RNF126: variants seen among roughly 807,000 people sequenced by gnomAD.
RNF126 encodes ring finger protein 126.
RNF126 carries 20 observed loss-of-function variants against 41.9 expected under a neutral mutation model. The observed-to-expected ratio is 0.48, with a 90% CI of 0.34 to 0.69. RNF126 has a LOEUF of 0.69. Ranked by LOEUF, RNF126 falls within the 30% of genes least tolerant of loss-of-function variation. The probability of loss-of-function intolerance (pLI) is 0.01; values close to 1 mark genes in which losing one functional copy is unlikely to be tolerated. For missense variants in RNF126, 433 were observed against 460.6 expected (o/e 0.94, Z 0.55); for synonymous variants, 239 against 202.9 (o/e 1.18, Z -1.51).
intron 1 of RNF126, among the ~76,000 whole-genome samples, chr19:660,511 C>T (rs1568195545): frequency 2.0e-5 from 3 of 152,248 alleles, no homozygotes; most frequent in Admixed American, 1.3e-4. Context: ...CGGGCAAGCT[C>T]CCCAGCGGCA....
Position 651,790 on chromosome 19 carries a change from A to G in RNF126, c.264T>C (p.Asp88=), listed in dbSNP as rs150696750. ...GGAACGTGGGGATCTCGAAGCTGTC[A>G]TCGAAGATGCCGAAAGCAAACTGTC... ...GYGQFAFGIF[D]DSFEIPTFPP... Residue 88 remains aspartate (D), a synonymous_variant, in exon 4 of 9, where the codon GAT becomes GAC. Transcript: ENST00000292363. The G allele has an allele frequency of 3.0e-5, 49 of 1,612,424 alleles. No homozygotes were observed. In the African/African-American group the frequency reaches 5.5e-4, roughly 18 times the overall value.
chr19:660,649 G>A (rs1460497908), intron 1 of RNF126, among the ~76,000 whole-genome samples: 4 of 152,138 alleles, frequency 2.6e-5, no homozygotes, highest in African/African-American at 9.7e-5. Context: ...ATTCGTTTTT[G>A]AGACAGCGTC....
Position 659,448 on chromosome 19 carries a change from C to A in RNF126, c.75+3599G>T, listed in dbSNP as rs892065927. Among the ~76,000 whole-genome samples the A allele has an allele frequency of 6.6e-6, 1 of 152,126 alleles. No individual in the cohort carries two copies. Among genetic ancestry groups the A allele is most frequent in the African/African-American group, 2.4e-5 (1 of 41,434 alleles). On this transcript the variant is annotated intron_variant, in intron 1 of 8. Transcript: ENST00000292363. This position sits in a 1 kb window ranked among gnomAD's most constrained non-coding sequence, Gnocchi z 4.9. ...GGACACTGCGGAGGTTGCAGGCGTT[C>A]GGGGGTGGGGGGTCGGCAGGCAGAG...
chr19:656,815 C>G (rs184220578), intron 1 of RNF126, among the ~76,000 whole-genome samples: 2 of 152,182 alleles, frequency 1.3e-5, no homozygotes, highest in African/African-American at 2.4e-5. Flanking sequence ...GGACGCCCCA[C>G]GTAAACACGC....
chr19:650,914 A>C (rs568320932), intron 4 of RNF126, among the ~76,000 whole-genome samples: 1 of 152,234 alleles, frequency 6.6e-6, no homozygotes, highest in Non-Finnish European at 1.5e-5. Context: ...TAAAAATTAG[A>C]GATGGGGCCT....
chr19:647,943 G>T lies in RNF126; in HGVS notation c.*185C>A. ...GGGACGCCCCAGAGGGGACCATGTG[G>T]CCCACGCCTTCCCAAGCCAGGGGGC... On this transcript the variant is annotated 3_prime_UTR_variant, in exon 9 of 9. Coordinates refer to ENST00000292363, the MANE Select transcript of RNF126 (RefSeq NM_194460.3). 1 of 692,134 alleles carries T rather than the reference G, an allele frequency of 1.4e-6. No individual in the cohort carries two copies. Among genetic ancestry groups the T allele is most frequent in the Non-Finnish European group, 2.4e-6 (1 of 420,892 alleles). 42.9% of individuals were successfully genotyped at this position (692,134 alleles called of 1,614,324 possible).
intron 3 of RNF126, 84 bp from the exon 4 acceptor site, chr19:651,939 A>G (rs750816702): frequency 1.5e-6 from 2 of 1,314,882 alleles, no homozygotes; most frequent in African/African-American, 1.5e-5. Flanking sequence ...ACAAAGGAGA[A>G]AGCAAGACGG....
At position 652,968 on chromosome 19, in the gene RNF126, G is replaced by A. The variant is rs148007786; in HGVS notation, c.76-84C>T. On this transcript the variant is annotated intron_variant, in intron 1 of 8. Transcript: ENST00000292363. ...CCAAGTGTGAGGACAGAGGGGCTCC[G>A]GACCCAGCGGTCTCTGGCTGGCCAG... 617 of 1,292,168 alleles carry A rather than the reference G, an allele frequency of 4.8e-4. 1 individual carries two copies. Among genetic ancestry groups the A allele is most frequent in the African/African-American group, 4.7e-3 (322 of 68,746 alleles). The allele number at this position is 1,292,168 out of a possible 1,614,324, so 80.0% of individuals were successfully genotyped here.
chr19:652,743 G>GA (rs2030377677), intron 2 of RNF126, 83 bp downstream of exon 2: 1 of 1,325,764 alleles, frequency 7.5e-7, no homozygotes, highest in African/African-American at 1.4e-5. Context: ...ACTCGGCGGG[G>GA]CGGACGCCAG....
At chr19:662,002 G>A (rs533490002) in intron 1 of RNF126, among the ~76,000 whole-genome samples, 1 of 152,248 alleles carries the variant, frequency 6.6e-6, no homozygotes, top group African/African-American at 2.4e-5. Context: ...ACGTCAGCCT[G>A]GCGAAGGGCA....
chr19:662,831 G>C (rs1057033830), intron 1 of RNF126, among the ~76,000 whole-genome samples: 4 of 152,072 alleles, frequency 2.6e-5, no homozygotes, highest in Admixed American at 2.6e-4. Context: ...CTCCCGCCCG[G>C]GCCTCAGTCT....
chr19:648,015 G>A lies in RNF126; in HGVS notation c.*113C>T. On this transcript the variant is annotated 3_prime_UTR_variant, in exon 9 of 9. Transcript: ENST00000292363. ...TGCCCTGGAACAGGCGGGACCTGCA[G>A]CGCTGACCAGCCAAGCGTGGCGCCG... The A allele has an allele frequency of 7.8e-7, 1 of 1,278,382 alleles. No homozygotes were observed. The allele number at this position is 1,278,382 out of a possible 1,614,324, so 79.2% of individuals were successfully genotyped here.
chr19:656,573 G>A (rs917827954), intron 1 of RNF126, among the ~76,000 whole-genome samples: 1 of 152,182 alleles, frequency 6.6e-6, no homozygotes, highest in Non-Finnish European at 1.5e-5. Context: ...GCTTAAACCC[G>A]GCAGGCAGAG....
chr19:657,710 T>G (rs1053847619), intron 1 of RNF126, among the ~76,000 whole-genome samples: 4 of 152,158 alleles, frequency 2.6e-5, no homozygotes, highest in Non-Finnish European at 4.4e-5. Context: ...AACTCCTGCG[T>G]ATTGTCAGGG....
intron 7 of RNF126, 95 bp from the exon 8 acceptor site, chr19:648,582 CT>C: frequency 2.9e-6 from 3 of 1,021,460 alleles, no homozygotes; most frequent in East Asian, 5.2e-5. Context: ...GAGGCCGCCC[CT>C]GAGCCCAGCG....
rs985180871 is a variant in RNF126 at position 651,751 on chromosome 19, C to G, written c.303G>C (p.Gln101His). The G allele has an allele frequency of 6.2e-7, 1 of 1,612,644 alleles. No individual in the cohort carries two copies. Among genetic ancestry groups the G allele is most frequent in the Non-Finnish European group, 8.5e-7 (1 of 1,179,824 alleles). The change falls in exon 4 of 9, where the codon CAG becomes CAC. Residue 101 changes from glutamine to histidine, a missense_variant. Physicochemically the swap from Gln to His is conservative, Grantham distance 24 (BLOSUM62 0). Transcript: ENST00000292363. ...TCTCAGGGTCCCTGCCGTCGTCAGC[C>G]TGCGCCCCAGGAGGGAACGTGGGGA... ...FEIPTFPPGA[Q>H]ADDGRDPESR...
intron 1 of RNF126, among the ~76,000 whole-genome samples, chr19:654,569 G>A (rs189516478): frequency 7.7e-5 from 11 of 142,556 alleles, no homozygotes; most frequent in Admixed American, 6.8e-4. Context: ...CTTGAGCCCG[G>A]GAGGCGGAGG....
chr19:649,389 C>G, intron 6 of RNF126: 1 of 466,562 alleles, frequency 2.1e-6, no homozygotes, highest in Non-Finnish European at 3.9e-6. Flanking sequence ...CGCGACCTCT[C>G]GGGAAGAGGG....
rs760019278 is a variant in RNF126 at position 648,352 on chromosome 19, C to CGGGGGGGGGGGGGG, written c.786+19_786+20insCCCCCCCCCCCCCC. The CGGGGGGGGGGGGGG allele has an allele frequency of 1.9e-6, 2 of 1,026,414 alleles. No individual in the cohort carries two copies. The highest frequency in any genetic ancestry group is 4.1e-5 in the Admixed American group (1 of 24,244). 63.6% of individuals were successfully genotyped at this position (1,026,414 alleles called of 1,614,324 possible). A position where few individuals can be genotyped will look rare whatever the true frequency, so the allele number is the denominator to read the frequency against. On this transcript the variant is annotated intron_variant, in intron 8 of 8. Transcript: ENST00000292363. Reference sequence around the variant, plus strand: ...GAGGGCCGCGGTCGGGGTGGGGGGGCGGGTGGGCGGGGCACTCACCTGCTC... The same window carrying CGGGGGGGGGGGGGG: ...GAGGGCCGCGGTCGGGGTGGGGGGGCGGGGGGGGGGGGGGGGGTGGGCGGGGCACTCACCTGCTC...
Sources: allele counts gnomAD v4.1 joint callset (sites outside exome capture counted in the v4.1 genomes callset), GRCh38; gene constraint gnomAD v4.1.1; non-coding constraint Gnocchi (gnomAD v3.1); transcripts MANE v1.5; gene names NCBI Gene and HGNC (gene_info 2026-07-23, HGNC 2026-07-21).